The following RFX3 variants were observed in gnomAD, a reference collection of about 807,000 sequenced individuals.
The protein encoded by RFX3 is regulatory factor X3.
RFX3 carries 14 observed loss-of-function variants against 98.6 expected under a neutral mutation model. That is an observed-to-expected ratio of 0.14 (90% CI 0.09 to 0.22). The LOEUF (loss-of-function observed/expected upper bound fraction) is 0.22, where lower values mean the gene tolerates loss of function less well. Among genes scored for constraint, RFX3 ranks in the 10% least tolerant of loss-of-function variants. RFX3 has a pLI of 1.00. For synonymous variants in RFX3, 383 were observed against 328.4 expected, an observed-to-expected ratio of 1.17 and a Z score of -1.80; for missense variants, 639 against 926.9, an observed-to-expected ratio of 0.69 and a Z score of 4.03.
chr9:3,352,216 T>C (rs1835228024), intron 2 of RFX3, among the ~76,000 whole-genome samples: 1 of 152,028 alleles, frequency 6.6e-6, no homozygotes, highest in Non-Finnish European at 1.5e-5. Context: ...AATAAATTTA[T>C]GAATATATAA....
At chr9:3,488,963 CTATTT>C in intron 1 of RFX3, 7 of 774,688 alleles carry the variant, frequency 9.0e-6, no homozygotes, top group Non-Finnish European at 1.1e-5. Context: ...CTGATGGATT[CTATTT>C]CATCATCACA....
At chr9:3,384,143 G>A (rs1235692269) in intron 2 of RFX3, among the ~76,000 whole-genome samples, 1 of 152,138 alleles carries the variant, frequency 6.6e-6, no homozygotes, top group East Asian at 1.9e-4. Flanking sequence ...ATCAGGGGCA[G>A]CAGGAAACTA....
In RFX3 at chr9:3,254,348, A is replaced by T. The variant is rs536582812; in HGVS notation, c.1814+2643T>A. On this transcript the variant is annotated intron_variant, in intron 14 of 16. Transcript: ENST00000617270. The stretch of plus-strand genomic sequence containing the variant: ...AATAACATAAGAAAGCAGTAGGAAG[A>T]AAAAAAGCACCTTGCTTTTTTGGAT... 9.7e-4 allele frequency among the ~76,000 whole-genome samples: 147 copies of T among 151,958 alleles called. 3 individuals are homozygous for T. In the East Asian group the frequency reaches 0.019, roughly 19 times the overall value.
chr9:3,401,078 C>T (rs1273633719), intron 1 of RFX3, among the ~76,000 whole-genome samples: 1 of 151,952 alleles, frequency 6.6e-6, no homozygotes, highest in Non-Finnish European at 1.5e-5. Context: ...ACACTTCCAA[C>T]AACAACAGAA....
chr9:3,248,317 A>ATGCTTTCATG, intron 14 of RFX3, 132 bp from the exon 15 acceptor site: 2 of 1,146,336 alleles, frequency 1.7e-6, no homozygotes, highest in Non-Finnish European at 2.4e-6. Flanking sequence ...CTGCCATGAA[A>ATGCTTTCATG]GCATTTCATT....
chr9:3,281,021 T>C (rs1825856607), intron 7 of RFX3, among the ~76,000 whole-genome samples: 1 of 151,808 alleles, frequency 6.6e-6, no homozygotes, highest in Non-Finnish European at 1.5e-5. Flanking sequence ...CTTGATTTTA[T>C]CATATCATCA....
intron 2 of RFX3, among the ~76,000 whole-genome samples, chr9:3,347,974 G>C (rs1034942025): frequency 3.3e-5 from 5 of 152,116 alleles, no homozygotes; most frequent in African/African-American, 1.2e-4. Context: ...CTAAAACTCA[G>C]TCATTGTTAA....
At chr9:3,478,766 T>C (rs1421745914) in intron 1 of RFX3, among the ~76,000 whole-genome samples, 3 of 152,194 alleles carry the variant, frequency 2.0e-5, no homozygotes, top group Non-Finnish European at 2.9e-5. Flanking sequence ...CAAAGTTCCC[T>C]ATAGTTGGCT....
At chr9:3,424,453 C>T (rs965897374) in intron 1 of RFX3, among the ~76,000 whole-genome samples, 2 of 146,702 alleles carry the variant, frequency 1.4e-5, no homozygotes, top group Non-Finnish European at 3.0e-5. Flanking sequence ...GCTCCGCCTC[C>T]CGGGTTCACG....
chr9:3,223,966 A>T lies in RFX3; in HGVS notation c.*1076T>A, dbSNP rs1817510316. ...TGCCTTCAGGTTCTGTTTACAATTT[A>T]AATCCACATACTTTAGAAACCAGGA... On this transcript the variant is annotated 3_prime_UTR_variant, in exon 17 of 17. Transcript: ENST00000617270. 1 of 152,214 alleles carries T rather than the reference A, an allele frequency of 6.6e-6. No homozygotes were observed. Among genetic ancestry groups the T allele is most frequent in the South Asian group, 2.1e-4 (1 of 4,828 alleles). The allele number at this position is 152,214 out of a possible 1,614,324, so 9.4% of individuals were successfully genotyped here.
chr9:3,290,960 T>C (rs1198850082), intron 6 of RFX3, among the ~76,000 whole-genome samples: 3 of 152,140 alleles, frequency 2.0e-5, no homozygotes, highest in Non-Finnish European at 4.4e-5. Context: ...TAGCTTACTT[T>C]CTCCTGAAAA....
Position 3,219,303 on chromosome 9 carries a change from T to C in RFX3, c.*5739A>G, listed in dbSNP as rs1292400351. The C allele has an allele frequency of 6.6e-6, 1 of 152,128 alleles. No individual in the cohort carries two copies. The highest frequency in any genetic ancestry group is 1.5e-5 in the Non-Finnish European group (1 of 68,004). 9.4% of individuals were successfully genotyped at this position (152,128 alleles called of 1,614,324 possible). On this transcript the variant is annotated 3_prime_UTR_variant, in exon 17 of 17. Transcript: ENST00000617270. ...GAAAAATTTACTTGGTTATCAACAG[T>C]CAATGGGAGTTTTTATATTTTCTTT... is the stretch of plus-strand genomic sequence containing the variant.
rs1563753742 is a variant in RFX3, at chr9:3,220,196, G to A, written c.*4846C>T. ...GAAATTCGCAAACAATATTTTATGA[G>A]CGATCTAACTCCAAATAGCCTAACT... On this transcript the variant is annotated 3_prime_UTR_variant, in exon 17 of 17. Coordinates refer to ENST00000617270, the MANE Select transcript of RFX3 (RefSeq NM_001282116.2). 6.6e-6 allele frequency: 1 copy of A among 152,090 alleles called. No individual in the cohort carries two copies. Among genetic ancestry groups the A allele is most frequent in the Non-Finnish European group, 1.5e-5 (1 of 68,016 alleles). The allele number at this position is 152,090 out of a possible 1,614,324, so 9.4% of individuals were successfully genotyped here.
intron 2 of RFX3, among the ~76,000 whole-genome samples, chr9:3,393,037 G>A (rs982117559): frequency 2.0e-5 from 3 of 146,808 alleles, no homozygotes; most frequent in Non-Finnish European, 4.5e-5. Flanking sequence ...AAGAACATAA[G>A]GGACAGGAAG....
At chr9:3,362,261 C>A (rs989208620) in intron 2 of RFX3, among the ~76,000 whole-genome samples, 13 of 152,010 alleles carry the variant, frequency 8.6e-5, no homozygotes, top group Admixed American at 6.6e-4. Flanking sequence ...GAATGGTAGC[C>A]CTTCCATGTC....
intron 4 of RFX3, among the ~76,000 whole-genome samples, chr9:3,330,057 T>C (rs1163805723): frequency 6.6e-6 from 1 of 152,188 alleles, no homozygotes. Flanking sequence ...AAAACTCTAA[T>C]TCACCTGATT....
chr9:3,284,533 C>A (rs1826324453), intron 7 of RFX3, among the ~76,000 whole-genome samples: 1 of 151,568 alleles, frequency 6.6e-6, no homozygotes, highest in Non-Finnish European at 1.5e-5. Context: ...TATTTTACCT[C>A]CCCTTGATTA....
intron 2 of RFX3, among the ~76,000 whole-genome samples, chr9:3,371,307 C>T (rs765141444): frequency 2.4e-4 from 37 of 152,208 alleles, no homozygotes; most frequent in Non-Finnish European, 4.6e-4. Context: ...AATCATGCAA[C>T]CAATTCCATT....
chr9:3,284,482 T>C (rs3012689), intron 7 of RFX3, among the ~76,000 whole-genome samples: 3 of 151,554 alleles, frequency 2.0e-5, no homozygotes, highest in Admixed American at 1.3e-4. Flanking sequence ...AAGTTTTTTT[T>C]AAAAAAACTG....
Sources: allele counts gnomAD v4.1 joint callset (sites outside exome capture counted in the v4.1 genomes callset), GRCh38; gene constraint gnomAD v4.1.1; transcripts MANE v1.5; gene names NCBI Gene and HGNC (gene_info 2026-07-23, HGNC 2026-07-21).